CAMK2D: variants seen among roughly 807,000 people sequenced by gnomAD.
CAMK2D encodes calcium/calmodulin-dependent protein kinase type II subunit delta.
In CAMK2D, 37 loss-of-function variants were observed where a neutral mutation model predicts 84.0. The ratio of observed to expected loss-of-function variants is 0.44; its 90% CI spans 0.34 to 0.58. CAMK2D has a LOEUF of 0.58. CAMK2D is among the 20% of genes least tolerant of loss of function. The pLI, the probability that CAMK2D is intolerant of heterozygous loss-of-function variation, is 0.02. For missense variants in CAMK2D, 448 were observed against 652.5 expected (o/e 0.69, Z 3.41); for synonymous variants, 202 against 212.5 (o/e 0.95, Z 0.43).
intron 3 of CAMK2D, among the ~76,000 whole-genome samples, chr4:113,641,424 G>A (rs1393695921): frequency 6.6e-6 from 1 of 152,190 alleles, no homozygotes; most frequent in African/African-American, 2.4e-5. Flanking sequence ...TATATCTGCA[G>A]AGTAGTTGAG....
At chr4:113,754,462 A>T (rs1402725674) in intron 2 of CAMK2D, 1 of 921,084 alleles carries the variant, frequency 1.1e-6, no homozygotes, top group East Asian at 1.2e-4. Context: ...AAAAGGTGAC[A>T]TATTGCTAAA....
chr4:113,625,936 C>T lies in CAMK2D; in HGVS notation c.221-16730G>A, dbSNP rs542298111. 1.2e-4 allele frequency among the ~76,000 whole-genome samples: 18 copies of T among 151,924 alleles called. No homozygotes were observed. In the East Asian group the frequency reaches 2.9e-3, roughly 25 times the overall value. ...GGCTAAGGTGGGAGAATCGCTTGAA[C>T]CCAGGAGGTGGAGGTTGTAGTGAGC... On this transcript the variant is annotated intron_variant, in intron 3 of 20. Coordinates refer to ENST00000511664, the MANE Select transcript of CAMK2D (RefSeq NM_001321571.2).
At chr4:113,528,941 T>C (rs1243008010) in intron 8 of CAMK2D, among the ~76,000 whole-genome samples, 4 of 152,182 alleles carry the variant, frequency 2.6e-5, no homozygotes, top group Non-Finnish European at 4.4e-5. Flanking sequence ...TTAGAGTTCA[T>C]GCTTAGAAGA....
chr4:113,603,773 T>TTATATATATATATATATATATATATATA (rs139576985), intron 4 of CAMK2D, among the ~76,000 whole-genome samples: 17 of 127,960 alleles, frequency 1.3e-4, no homozygotes, highest in African/African-American at 5.5e-4. Flanking sequence ...TCTTGCTATT[T>TTATATATATATATATATATATATATATA]TATATATATA....
intron 2 of CAMK2D, among the ~76,000 whole-genome samples, chr4:113,724,762 C>T (rs186899389): frequency 1.6e-4 from 25 of 151,986 alleles, no homozygotes; most frequent in Non-Finnish European, 2.8e-4. Flanking sequence ...ATCATACAGC[C>T]TTAAGGTAAC....
At chr4:113,720,472 A>G (rs2099527255) in intron 2 of CAMK2D, among the ~76,000 whole-genome samples, 1 of 152,032 alleles carries the variant, frequency 6.6e-6, no homozygotes, top group Non-Finnish European at 1.5e-5. Flanking sequence ...CAGTAAACAT[A>G]CTGAGAATAT....
chr4:113,474,466 A>C (rs1405929173), intron 16 of CAMK2D, among the ~76,000 whole-genome samples: 1 of 149,380 alleles, frequency 6.7e-6, no homozygotes, highest in Non-Finnish European at 1.5e-5. Context: ...TTAGTCATAA[A>C]GTTTTAAAAT....
chr4:113,554,482 T>C (rs538558735), intron 4 of CAMK2D, among the ~76,000 whole-genome samples: 2 of 152,280 alleles, frequency 1.3e-5, no homozygotes, highest in East Asian at 3.9e-4. Context: ...GAGTTTCATG[T>C]TGAGTTTTAG....
intron 4 of CAMK2D, among the ~76,000 whole-genome samples, chr4:113,567,476 T>C (rs2098731330): frequency 6.6e-6 from 1 of 152,168 alleles, no homozygotes; most frequent in African/African-American, 2.4e-5. Context: ...CCAGCTGAGA[T>C]CTTTTGATCT....
At chr4:113,661,603 A>G (rs2099232443) in intron 3 of CAMK2D, 110 bp downstream of exon 3, 1 of 519,578 alleles carries the variant, frequency 1.9e-6, no homozygotes, top group Non-Finnish European at 3.4e-6. Flanking sequence ...TTAGGAACCT[A>G]TTTTTTAAAA....
At chr4:113,566,184 C>T (rs2154216402) in intron 4 of CAMK2D, among the ~76,000 whole-genome samples, 1 of 152,290 alleles carries the variant, frequency 6.6e-6, no homozygotes, top group Admixed American at 6.5e-5. Flanking sequence ...TGTGAATCAG[C>T]TTAGTAATAC....
intron 6 of CAMK2D, among the ~76,000 whole-genome samples, chr4:113,541,769 C>T (rs1264824779): frequency 6.6e-6 from 1 of 152,040 alleles, no homozygotes; most frequent in African/African-American, 2.4e-5. Context: ...CCATCCTCTG[C>T]TTGGCATGTT....
intron 2 of CAMK2D, among the ~76,000 whole-genome samples, chr4:113,748,097 T>C (rs2099608790): frequency 6.6e-6 from 1 of 152,068 alleles, no homozygotes. Flanking sequence ...CTCTAGGAAG[T>C]TTTCCCTGAC....
intron 3 of CAMK2D, among the ~76,000 whole-genome samples, chr4:113,616,091 G>A (rs1338359922): frequency 6.6e-6 from 1 of 151,826 alleles, no homozygotes; most frequent in African/African-American, 2.4e-5. Flanking sequence ...TATTCTTCCT[G>A]TAATGACAAA....
chr4:113,488,139 C>T (rs976664372), intron 16 of CAMK2D, among the ~76,000 whole-genome samples: 4 of 151,698 alleles, frequency 2.6e-5, no homozygotes, highest in African/African-American at 9.7e-5. Context: ...TTTACACAAA[C>T]CTTAGATTTA....
At chr4:113,593,835 T>G (rs1392481477) in intron 4 of CAMK2D, among the ~76,000 whole-genome samples, 1 of 152,082 alleles carries the variant, frequency 6.6e-6, no homozygotes, top group South Asian at 2.1e-4. Flanking sequence ...GACTGAGATC[T>G]AAATATAGGA....
chr4:113,526,449 C>T (rs1451363378), intron 8 of CAMK2D, among the ~76,000 whole-genome samples: 1 of 127,900 alleles, frequency 7.8e-6, no homozygotes, highest in Non-Finnish European at 1.6e-5. Flanking sequence ...TGTGTGCATG[C>T]ATGTATGCAC....
intron 2 of CAMK2D, among the ~76,000 whole-genome samples, chr4:113,733,918 G>GTACATACTAAATAT: frequency 1.3e-5 from 2 of 152,084 alleles, no homozygotes; most frequent in Non-Finnish European, 2.9e-5. Context: ...TAAGCCAAAG[G>GTACATACTAAATAT]GTAGGCTAAA....
chr4:113,638,489 A>G (rs1044780017), intron 3 of CAMK2D, among the ~76,000 whole-genome samples: 1 of 152,162 alleles, frequency 6.6e-6, no homozygotes, highest in Non-Finnish European at 1.5e-5. Context: ...GATACCTACG[A>G]GATGCAAAAC....
Sources: gnomAD v4.1 joint callset for allele counts (sites outside exome capture counted in the v4.1 genomes callset) on GRCh38, gnomAD v4.1.1 for gene constraint, MANE v1.5 for transcripts, NCBI Gene and HGNC (gene_info 2026-07-23, HGNC 2026-07-21) for gene names.